RAB3C: variants seen among roughly 807,000 people sequenced by gnomAD.
RAB3C encodes the protein ras-related protein Rab-3C.
A neutral mutation model predicts 26.4 loss-of-function variants in RAB3C; 17 were observed. The observed-to-expected ratio is 0.64, with a 90% CI of 0.44 to 0.97. RAB3C has a LOEUF of 0.97. RAB3C is among the 50% of genes least tolerant of loss of function. RAB3C has a pLI of 0.00. For missense variants in RAB3C, 242 were observed against 281.9 expected, an observed-to-expected ratio of 0.86 and a Z score of 1.01; for synonymous variants, 91 against 95.9, an observed-to-expected ratio of 0.95 and a Z score of 0.30.
chr5:58,637,463 T>C (rs1316265240), intron 2 of RAB3C, among the ~76,000 whole-genome samples: 1 of 152,162 alleles, frequency 6.6e-6, no homozygotes, highest in Non-Finnish European at 1.5e-5. Context: ...CTCCAGATTT[T>C]TTCTGGGATT....
chr5:58,745,709 T>C (rs1008985579), intron 3 of RAB3C, among the ~76,000 whole-genome samples: 4 of 152,202 alleles, frequency 2.6e-5, no homozygotes, highest in Admixed American at 2.0e-4. Flanking sequence ...CCAGGATCAA[T>C]TGCCTCTTCA....
At chr5:58,822,865 T>C (rs1743374450) in intron 3 of RAB3C, 1 of 638,260 alleles carries the variant, frequency 1.6e-6, no homozygotes, top group Non-Finnish European at 3.0e-6. Context: ...ACAGGATCTA[T>C]GAAGGCCAAG....
chr5:58,838,780 T>C (rs1429953631), intron 4 of RAB3C, among the ~76,000 whole-genome samples: 1 of 152,232 alleles, frequency 6.6e-6, no homozygotes, highest in East Asian at 1.9e-4. Flanking sequence ...ATGCTGATGG[T>C]GGATTGTTGA....
rs1237372208 is a variant in RAB3C, at chr5:58,716,818, AC to A, written c.253-9183del. The stretch of plus-strand genomic sequence containing the variant: ...TCTCTTATTAAAAAAAAAAAAAAAA[AC>A]AACTCAGGCAGAACACAGGGGACTT... On this transcript the variant is annotated intron_variant, in intron 2 of 4. Coordinates refer to ENST00000282878, the MANE Select transcript of RAB3C (RefSeq NM_138453.4). Among the ~76,000 whole-genome samples, 34 of 149,134 alleles carry A rather than the reference AC, an allele frequency of 2.3e-4. No homozygotes were observed. In the South Asian group the frequency reaches 5.3e-3, roughly 23 times the overall value.
At chr5:58,814,384 T>G (rs1041340780) in intron 3 of RAB3C, among the ~76,000 whole-genome samples, 12 of 152,140 alleles carry the variant, frequency 7.9e-5, no homozygotes, top group Non-Finnish European at 1.3e-4. Flanking sequence ...GCTTCTTTTC[T>G]CAGCCACCAG....
chr5:58,634,138 C>T (rs1357192782), intron 2 of RAB3C, among the ~76,000 whole-genome samples: 1 of 124,194 alleles, frequency 8.1e-6, no homozygotes, highest in Non-Finnish European at 1.7e-5. Flanking sequence ...AAGACTCCAT[C>T]TCAAAAAAAA....
intron 4 of RAB3C, among the ~76,000 whole-genome samples, chr5:58,834,896 G>C (rs1168292470): frequency 1.3e-5 from 2 of 152,050 alleles, no homozygotes; most frequent in African/African-American, 4.8e-5. Context: ...TAATCTTATG[G>C]ATCTCCACTC....
At chr5:58,609,264 G>T (rs1193707662) in intron 1 of RAB3C, among the ~76,000 whole-genome samples, 1 of 152,096 alleles carries the variant, frequency 6.6e-6, no homozygotes, top group Admixed American at 6.6e-5. Flanking sequence ...AAAATTCCAG[G>T]GGGTGCCAGT....
chr5:58,791,524 G>C (rs1330221872), intron 3 of RAB3C, among the ~76,000 whole-genome samples: 1 of 152,242 alleles, frequency 6.6e-6, no homozygotes, highest in South Asian at 2.1e-4. Flanking sequence ...TTAGGGATGA[G>C]TCTTGGAGGA....
intron 2 of RAB3C, among the ~76,000 whole-genome samples, chr5:58,663,072 C>A (rs1020743555): frequency 2.0e-5 from 3 of 150,232 alleles, no homozygotes; most frequent in African/African-American, 7.6e-5. Flanking sequence ...AGTACTTCTG[C>A]ATTTTTCTAG....
intron 2 of RAB3C, among the ~76,000 whole-genome samples, chr5:58,656,121 CCAAA>C (rs1747767793): frequency 6.6e-6 from 1 of 152,002 alleles, no homozygotes; most frequent in South Asian, 2.1e-4. Flanking sequence ...AAGAGGCACA[CCAAA>C]CAAAGAGACT....
chr5:58,716,506 A>C (rs2111905456), intron 2 of RAB3C, among the ~76,000 whole-genome samples: 1 of 152,140 alleles, frequency 6.6e-6, no homozygotes, highest in African/African-American at 2.4e-5. Flanking sequence ...CTGGCACCTA[A>C]CCTCTTTATT....
intron 2 of RAB3C, among the ~76,000 whole-genome samples, chr5:58,654,087 C>A (rs1242202698): frequency 6.6e-6 from 1 of 152,112 alleles, no homozygotes; most frequent in African/African-American, 2.4e-5. Flanking sequence ...ACCTTGCTGG[C>A]CTAATTTCTT....
At chr5:58,703,968 T>G (rs2111884377) in intron 2 of RAB3C, among the ~76,000 whole-genome samples, 1 of 152,280 alleles carries the variant, frequency 6.6e-6, no homozygotes, top group East Asian at 1.9e-4. Flanking sequence ...TAATCACATC[T>G]TTGTGCAAAT....
At chr5:58,660,007 G>A (rs1209750311) in intron 2 of RAB3C, among the ~76,000 whole-genome samples, 1 of 152,058 alleles carries the variant, frequency 6.6e-6, no homozygotes, top group African/African-American at 2.4e-5. Context: ...ATTTGGTCAT[G>A]TTGCCCAGGC....
At chr5:58,847,426 CGTT>C (rs777695500) in intron 4 of RAB3C, among the ~76,000 whole-genome samples, 28 of 152,248 alleles carry the variant, frequency 1.8e-4, no homozygotes, top group Non-Finnish European at 2.8e-4. Flanking sequence ...TTCCCACTGA[CGTT>C]GGTGTGTACG....
Position 58,853,850 on chromosome 5 carries a change from A to G in RAB3C, c.*2499A>G, listed in dbSNP as rs1744170395. 6.6e-6 allele frequency: 1 copy of G among 152,194 alleles called. No individual in the cohort carries two copies. Among genetic ancestry groups the G allele is most frequent in the Non-Finnish European group, 1.5e-5 (1 of 68,034 alleles). The allele number at this position is 152,194 out of a possible 1,614,324, so 9.4% of individuals were successfully genotyped here. ...GAGAGGTTTCCAGAGAAACAGTCAC[A>G]GAGCTCAAGAGAAAGAACACTTAAA... On this transcript the variant is annotated 3_prime_UTR_variant, in exon 5 of 5. Coordinates refer to ENST00000282878, the MANE Select transcript of RAB3C (RefSeq NM_138453.4).
At chr5:58,813,778 A>AGATATTATTTAACTCTGGACTGAAAG (rs1219846087) in intron 3 of RAB3C, among the ~76,000 whole-genome samples, 1 of 152,004 alleles carries the variant, frequency 6.6e-6, no homozygotes, top group Non-Finnish European at 1.5e-5. Context: ...ATATTCAGTG[A>AGATATTATTTAACTCTGGACTGAAAG]ATGCACACAT....
intron 2 of RAB3C, among the ~76,000 whole-genome samples, chr5:58,620,024 G>A (rs113732722): frequency 4.6e-5 from 7 of 151,560 alleles, no homozygotes; most frequent in Non-Finnish European, 7.4e-5. Flanking sequence ...AAAAGTCTCT[G>A]AAATATTATT....
Sources: allele counts gnomAD v4.1 joint callset (sites outside exome capture counted in the v4.1 genomes callset), GRCh38; gene constraint gnomAD v4.1.1; transcripts MANE v1.5; gene names NCBI Gene and HGNC (gene_info 2026-07-23, HGNC 2026-07-21).